The following TUT7 variants were observed in gnomAD, a reference collection of about 807,000 sequenced individuals.
TUT7 encodes terminal uridylyl transferase 7, also known as terminal uridylyltransferase 7.
In TUT7, 33 loss-of-function variants were observed where a neutral mutation model predicts 165.9. The ratio of observed to expected loss-of-function variants is 0.20; its 90% CI spans 0.15 to 0.27. The LOEUF (loss-of-function observed/expected upper bound fraction) is 0.27. TUT7 is among the 10% of genes least tolerant of loss of function. The pLI is 1.00. For missense variants in TUT7, 1,338 were observed against 1,762.3 expected (o/e 0.76, Z 4.31); for synonymous variants, 552 against 608.1 (o/e 0.91, Z 1.36).
intron 17 of TUT7, among the ~76,000 whole-genome samples, chr9:86,313,257 G>A (rs1399151632): frequency 6.6e-6 from 1 of 152,130 alleles, no homozygotes; most frequent in Non-Finnish European, 1.5e-5. Flanking sequence ...CAATAACCCT[G>A]GCAGTGGACA....
chr9:86,311,755 G>A lies in TUT7; in HGVS notation c.3275-946C>T, dbSNP rs997616985. ...CTGCCTCAGCCTGCCGAGTGCCTGC[G>A]ATTGCAGGTGCGCGCCGCCACGCCT... On this transcript the variant is annotated intron_variant, in intron 17 of 26. Transcript: ENST00000375963. The surrounding 1 kb of genome is among the most constrained non-coding windows in gnomAD (Gnocchi z 4.4). 6.6e-6 allele frequency among the ~76,000 whole-genome samples: 1 copy of A among 152,142 alleles called. No individual in the cohort carries two copies. The highest frequency in any genetic ancestry group is 2.4e-5 in the African/African-American group (1 of 41,442).
At position 86,311,632 on chromosome 9, in the gene TUT7, A is replaced by ATGC. The variant is rs1828073238; in HGVS notation, c.3275-824_3275-823insGCA. On this transcript the variant is annotated intron_variant, in intron 17 of 26. Transcript: ENST00000375963. This position sits in a 1 kb window ranked among gnomAD's most constrained non-coding sequence, Gnocchi z 4.4. ...ACGGTCTCCCTCTCCCTCTCTTTCC[A>ATGC]CGGTCTCCCTCTGATGCCGGTCTCC... 1.4e-5 allele frequency among the ~76,000 whole-genome samples: 2 copies of ATGC among 146,814 alleles called. No individual in the cohort carries two copies. The highest frequency in any genetic ancestry group is 2.2e-4 in the South Asian group (1 of 4,458).
At chr9:86,351,108 C>CTGGGTGACACAGTGAGACTGT (rs1832253957) in intron 2 of TUT7, among the ~76,000 whole-genome samples, 5 of 145,852 alleles carry the variant, frequency 3.4e-5, no homozygotes, top group African/African-American at 1.3e-4. Context: ...CACCTCCAGC[C>CTGGGTGACACAGTGAGACTGT]TGGGTGACAC....
intron 14 of TUT7, 59 bp from the exon 15 acceptor site, chr9:86,319,729 G>T: frequency 2.6e-6 from 3 of 1,155,042 alleles, no homozygotes; most frequent in East Asian, 2.6e-5. Flanking sequence ...CTTAGAAAAA[G>T]CTGAAAAAAA....
Position 86,346,491 on chromosome 9 carries a change from G to T in TUT7, c.521-11C>A, listed in dbSNP as rs895972805. 5.6e-6 allele frequency: 9 copies of T among 1,608,476 alleles called. No homozygotes were observed. Among genetic ancestry groups the T allele is most frequent in the Non-Finnish European group, 7.6e-6 (9 of 1,177,932 alleles). ...TCTGCTTCTTGTTTTCTTAAGGTGG[G>T]GGAAAAATATTATTGGCAATATTAA... On this transcript the variant is annotated splice_polypyrimidine_tract_variant and intron_variant, in intron 2 of 26. Transcript: ENST00000375963.
At chr9:86,345,206 T>C in intron 4 of TUT7, 52 bp from the exon 5 acceptor site, 1 of 1,535,794 alleles carries the variant, frequency 6.5e-7, no homozygotes. Flanking sequence ...AGTTTTGACC[T>C]TCTACCACTC....
chr9:86,290,212 C>G (rs544784123), intron 26 of TUT7, among the ~76,000 whole-genome samples: 1 of 152,202 alleles, frequency 6.6e-6, no homozygotes, highest in South Asian at 2.1e-4. Context: ...GACAGGAAAA[C>G]TTTATCCCCA....
intron 26 of TUT7, among the ~76,000 whole-genome samples, chr9:86,297,004 A>C (rs1826385449): frequency 2.0e-5 from 3 of 152,266 alleles, no homozygotes; most frequent in African/African-American, 7.2e-5. Flanking sequence ...AAGTAACATA[A>C]TTATTGCAAT....
At chr9:86,298,785 ATAT>A (rs1826601214) in intron 26 of TUT7, 1 of 985,088 alleles carries the variant, frequency 1.0e-6, no homozygotes, top group African/African-American at 1.7e-5. Context: ...GGACTCAAAA[ATAT>A]TGTTGTTTTT....
In TUT7 at chr9:86,344,868, G is replaced by A. The variant is rs142064681; in HGVS notation, c.997+109C>T. 4.7e-4 allele frequency: 516 copies of A among 1,088,754 alleles called. 1 individual carries two copies. The African/African-American group carries it at 7.1e-3, about 15-fold the overall frequency. 67.4% of individuals were successfully genotyped at this position (1,088,754 alleles called of 1,614,324 possible). A position where few individuals can be genotyped will look rare whatever the true frequency, so the allele number is the denominator to read the frequency against. On this transcript the variant is annotated intron_variant, in intron 5 of 26. Transcript: ENST00000375963. ...AAACAAAAAAATAGAAAACACAAGA[G>A]CTTCATGACATGGTAAATAAATTTT...
rs146106292 is a variant in TUT7, at chr9:86,309,870, A to G, written c.3468+58T>C. ...ATTAAAAAATAGATTTATGTTTTCA[A>G]CAGTGTTTAAAGATGCAATGAAATT... On this transcript the variant is annotated intron_variant, in intron 19 of 26. Coordinates refer to ENST00000375963, the MANE Select transcript of TUT7 (RefSeq NM_024617.4). The G allele has an allele frequency of 2.3e-4, 338 of 1,460,108 alleles. 1 individual carries two copies. In the South Asian group the frequency reaches 3.6e-3, roughly 15 times the overall value. The allele number at this position is 1,460,108 out of a possible 1,614,324, so 90.4% of individuals were successfully genotyped here. A position where few individuals can be genotyped will look rare whatever the true frequency, so the allele number is the denominator to read the frequency against.
chr9:86,289,884 T>G (rs1825784458), intron 26 of TUT7, among the ~76,000 whole-genome samples: 1 of 152,036 alleles, frequency 6.6e-6, no homozygotes, highest in Admixed American at 6.6e-5. Flanking sequence ...TGCAAAGAAC[T>G]TAAAATCCAA....
chr9:86,334,693 A>G (rs1830615956), intron 10 of TUT7, among the ~76,000 whole-genome samples: 1 of 151,976 alleles, frequency 6.6e-6, no homozygotes, highest in African/African-American at 2.4e-5. Flanking sequence ...CTGGTTCAGG[A>G]GTTGGGCAGA....
At chr9:86,314,871 C>T (rs1037211063) in intron 17 of TUT7, among the ~76,000 whole-genome samples, 2 of 152,176 alleles carry the variant, frequency 1.3e-5, no homozygotes, top group African/African-American at 4.8e-5. Context: ...AAATATCCCA[C>T]AGTCTCACAT....
intron 1 of TUT7, 43 bp from the exon 2 acceptor site, chr9:86,353,273 G>T: frequency 7.0e-7 from 1 of 1,436,176 alleles, no homozygotes; most frequent in Non-Finnish European, 9.3e-7. Context: ...TATATAACAA[G>T]ATATCATACA....
At chr9:86,308,709 A>G (rs1404383148) in intron 21 of TUT7, 103 bp from the exon 22 acceptor site, 4 of 962,484 alleles carry the variant, frequency 4.2e-6, no homozygotes, top group Non-Finnish European at 6.0e-6. Flanking sequence ...TTTCTAATTA[A>G]CTAGAGCTCA....
In TUT7 at chr9:86,309,484, T is replaced by C. The variant is rs1238411773; in HGVS notation, c.3561A>G (p.Pro1187=). Residue 1187 remains proline (P), a synonymous_variant, in exon 20 of 27, where the codon CCA becomes CCG. Coordinates refer to ENST00000375963, the MANE Select transcript of TUT7 (RefSeq NM_024617.4). Reference sequence around the variant, plus strand: ...ATACCTCTTGAAGGACAGGAATGACTGGTGGATTCCTCTGCTGGAGAAAAT... The same window carrying C: ...ATACCTCTTGAAGGACAGGAATGACCGGTGGATTCCTCTGCTGGAGAAAAT... ...VLYFLQQRNP[P]VIPVLQEIYK... is the part of the protein sequence containing the mutation. 1.2e-6 allele frequency: 2 copies of C among 1,612,264 alleles called. No homozygotes were observed. Among genetic ancestry groups the C allele is most frequent in the Admixed American group, 3.4e-5 (2 of 59,322 alleles).
In TUT7 at chr9:86,308,524, T is replaced by C. The variant is rs199711858; in HGVS notation, c.3743A>G (p.Glu1248Gly). 1.9e-5 allele frequency: 30 copies of C among 1,614,086 alleles called. No individual in the cohort carries two copies. The highest frequency in any genetic ancestry group is 2.4e-5 in the Non-Finnish European group (28 of 1,179,986). The change falls in exon 22 of 27, where the codon GAA becomes GGA. Residue 1248 changes from glutamate (E) to glycine (G), a missense_variant. Transcript: ENST00000375963. ...WLGLLRFYTEEFDFKEHVISI... is the reference protein window; with the variant it reads ...WLGLLRFYTEGFDFKEHVISI... ...AATAACATGTTCTTTAAAATCAAATTCCTCTGTGTAGAAACGAAGAAGGCC... is the reference window on the plus strand; with the variant it reads ...AATAACATGTTCTTTAAAATCAAATCCCTCTGTGTAGAAACGAAGAAGGCC...
At chr9:86,317,123 G>T in intron 17 of TUT7, 96 bp downstream of exon 17, 2 of 1,035,198 alleles carry the variant, frequency 1.9e-6, no homozygotes, top group Non-Finnish European at 2.9e-6. Flanking sequence ...GTGATGGGTG[G>T]GCCTGGAACA....
Sources: gnomAD v4.1 joint callset for allele counts (sites outside exome capture counted in the v4.1 genomes callset) on GRCh38, gnomAD v4.1.1 for gene constraint, Gnocchi (gnomAD v3.1) non-coding constraint, MANE v1.5 for transcripts, NCBI Gene and HGNC (gene_info 2026-07-23, HGNC 2026-07-21) for gene names.